Variants in CCBE1 observed in about 807,000 individuals in gnomAD.
CCBE1 encodes collagen and calcium-binding EGF domain-containing protein 1.
Under a neutral mutation model 50.0 loss-of-function variants are expected in CCBE1, and 37 were observed. The ratio of observed to expected loss-of-function variants is 0.74; its 90% CI spans 0.57 to 0.97. The LOEUF (loss-of-function observed/expected upper bound fraction) is 0.97, where lower values mean the gene tolerates loss of function less well. Among genes scored for constraint, CCBE1 ranks in the 50% least tolerant of loss-of-function variants. CCBE1 has a pLI of 0.00. For missense variants in CCBE1, 538 were observed against 523.8 expected (o/e 1.03, Z -0.26); for synonymous variants, 234 against 203.7 (o/e 1.15, Z -1.27).
At chr18:59,612,571 C>A (rs2053584972) in intron 2 of CCBE1, among the ~76,000 whole-genome samples, 1 of 152,140 alleles carries the variant, frequency 6.6e-6, no homozygotes. Flanking sequence ...ATTTATGGAG[C>A]TTTATTATTT....
intron 2 of CCBE1, among the ~76,000 whole-genome samples, chr18:59,646,907 C>T (rs983999493): frequency 1.3e-5 from 2 of 152,180 alleles, no homozygotes; most frequent in African/African-American, 4.8e-5. Context: ...CCCAGAAAGC[C>T]GTTTTAGTCC....
At chr18:59,499,216 C>G (rs984930454) in intron 2 of CCBE1, among the ~76,000 whole-genome samples, 1 of 152,146 alleles carries the variant, frequency 6.6e-6, no homozygotes, top group African/African-American at 2.4e-5. Flanking sequence ...AAAAGGATGG[C>G]ATTCAACTAA....
At chr18:59,526,814 T>C (rs563636237) in intron 2 of CCBE1, among the ~76,000 whole-genome samples, 11 of 152,328 alleles carry the variant, frequency 7.2e-5, no homozygotes, top group South Asian at 4.1e-4. Context: ...CTTAGTTTTG[T>C]GGTTTTGAGT....
chr18:59,589,790 C>CAA (rs752546235), intron 2 of CCBE1, among the ~76,000 whole-genome samples: 1,963 of 73,016 alleles, frequency 0.027, 73 homozygotes, highest in African/African-American at 0.095. Context: ...GACTCCATCT[C>CAA]AAAAAAAAAA....
intron 2 of CCBE1, among the ~76,000 whole-genome samples, chr18:59,592,620 G>GAT (rs1280880382): frequency 1.3e-5 from 2 of 152,264 alleles, no homozygotes; most frequent in Non-Finnish European, 1.5e-5. Context: ...ACTATAGATA[G>GAT]ATATATATAC....
chr18:59,565,669 A>G (rs2052812522), intron 2 of CCBE1, among the ~76,000 whole-genome samples: 1 of 152,180 alleles, frequency 6.6e-6, no homozygotes, highest in African/African-American at 2.4e-5. Context: ...GCATTAAACT[A>G]AGCATAGGGC....
chr18:59,611,757 TA>T lies in CCBE1; in HGVS notation c.212+84871del, dbSNP rs549035633. Among the ~76,000 whole-genome samples the T allele has an allele frequency of 3.3e-3, 495 of 150,808 alleles. 1 individual carries two copies. Among genetic ancestry groups the T allele is most frequent in the Non-Finnish European group, 4.4e-3 (295 of 67,586 alleles). ...TGCAACTCTGTCTTAAAAAAAAAAA[TA>T]AAAAAAGGAAGCATTTTTCTGTATA... On this transcript the variant is annotated intron_variant, in intron 2 of 10. Coordinates refer to ENST00000439986, the MANE Select transcript of CCBE1 (RefSeq NM_133459.4).
intron 2 of CCBE1, among the ~76,000 whole-genome samples, chr18:59,529,564 C>T (rs1317155175): frequency 6.6e-6 from 1 of 152,200 alleles, no homozygotes; most frequent in Non-Finnish European, 1.5e-5. Context: ...GGGAGGGTAG[C>T]AATGTCACTC....
intron 2 of CCBE1, among the ~76,000 whole-genome samples, chr18:59,649,409 C>T (rs1269147517): frequency 6.6e-6 from 1 of 152,216 alleles, no homozygotes; most frequent in Non-Finnish European, 1.5e-5. Flanking sequence ...CACACCCAGC[C>T]CTCAAGTTTA....
At chr18:59,614,662 T>TA (rs1456918865) in intron 2 of CCBE1, among the ~76,000 whole-genome samples, 1 of 152,232 alleles carries the variant, frequency 6.6e-6, no homozygotes, top group African/African-American at 2.4e-5. Context: ...TGATCTAGTC[T>TA]AAACGCTGAT....
At chr18:59,454,300 A>C (rs1450053333) in intron 6 of CCBE1, among the ~76,000 whole-genome samples, 5 of 152,168 alleles carry the variant, frequency 3.3e-5, no homozygotes, top group Non-Finnish European at 7.3e-5. Flanking sequence ...GCTGGAGTGC[A>C]ATGGAGTGGT....
In CCBE1 at chr18:59,600,171, G is replaced by C. The variant is rs184896934; in HGVS notation, c.212+96458C>G. 2.2e-3 allele frequency among the ~76,000 whole-genome samples: 340 copies of C among 152,282 alleles called. 2 individuals carry two copies. The highest frequency in any genetic ancestry group is 7.8e-3 in the African/African-American group (323 of 41,556). On this transcript the variant is annotated intron_variant, in intron 2 of 10. Coordinates refer to ENST00000439986, the MANE Select transcript of CCBE1 (RefSeq NM_133459.4). ...CTGTTAGGAACCGGGCTGTGGGCAA[G>C]TGAGCATTTCTACCTGTGCTCTACC...
At chr18:59,650,605 A>G (rs1275271909) in intron 2 of CCBE1, among the ~76,000 whole-genome samples, 1 of 151,584 alleles carries the variant, frequency 6.6e-6, no homozygotes, top group African/African-American at 2.4e-5. Flanking sequence ...TTTGAATTGT[A>G]AAGTATTTCT....
intron 5 of CCBE1, among the ~76,000 whole-genome samples, chr18:59,464,535 T>TG (rs1329647310): frequency 1.3e-5 from 2 of 152,246 alleles, no homozygotes. Flanking sequence ...TGAACACCCC[T>TG]GGGCAGGCAC....
chr18:59,614,244 C>T (rs999629193), intron 2 of CCBE1, among the ~76,000 whole-genome samples: 5 of 152,166 alleles, frequency 3.3e-5, no homozygotes, highest in African/African-American at 7.2e-5. Flanking sequence ...AAATGATCCA[C>T]CTGCCTCGGT....
At chr18:59,634,095 A>C (rs2144632398) in intron 2 of CCBE1, among the ~76,000 whole-genome samples, 1 of 152,358 alleles carries the variant, frequency 6.6e-6, no homozygotes, top group Middle Eastern at 3.4e-3. Context: ...ACTGGAGAGA[A>C]AAATCTGGAA....
At chr18:59,458,086 T>G in intron 5 of CCBE1, among the ~76,000 whole-genome samples, 1 of 152,174 alleles carries the variant, frequency 6.6e-6, no homozygotes. Context: ...ACTGGTCAAT[T>G]TACAGAATAC....
intron 2 of CCBE1, among the ~76,000 whole-genome samples, chr18:59,650,645 C>T (rs1268242113): frequency 2.6e-5 from 4 of 151,340 alleles, no homozygotes; most frequent in Non-Finnish European, 5.9e-5. Flanking sequence ...CCACGCATTC[C>T]AGAACCGCAC....
chr18:59,509,279 G>A (rs965136307), intron 2 of CCBE1, among the ~76,000 whole-genome samples: 6 of 151,924 alleles, frequency 3.9e-5, no homozygotes, highest in African/African-American at 1.4e-4. Context: ...CTAACAAAAG[G>A]TCTATGTAAA....
Sources: gnomAD v4.1 joint callset for allele counts (sites outside exome capture counted in the v4.1 genomes callset) on GRCh38, gnomAD v4.1.1 for gene constraint, MANE v1.5 for transcripts, NCBI Gene and HGNC (gene_info 2026-07-23, HGNC 2026-07-21) for gene names.